Variants in RAP1B observed in about 807,000 individuals in gnomAD.
RAP1B encodes RAP1B, member of RAS oncogene family.
Under a neutral mutation model 27.5 loss-of-function variants are expected in RAP1B, and 1 was observed. That is an observed-to-expected ratio of 0.04 (90% CI 0.01 to 0.17). The LOEUF (loss-of-function observed/expected upper bound fraction) is 0.17. RAP1B is among the 10% of genes least tolerant of loss of function. The pLI is 1.00. For synonymous variants in RAP1B, 75 were observed against 73.1 expected, an observed-to-expected ratio of 1.03 and a Z score of -0.13; for missense variants, 84 against 214.8, an observed-to-expected ratio of 0.39 and a Z score of 3.81.
At chr12:68,642,788 T>A (rs1308484999) in intron 1 of RAP1B, 2 of 1,041,006 alleles carry the variant, frequency 1.9e-6, no homozygotes, top group Non-Finnish European at 3.0e-6. Flanking sequence ...CTTCTTAAAG[T>A]CATCCACCAA....
In RAP1B at chr12:68,656,609, TAAAC is replaced by T. The variant is rs143089639; in HGVS notation, c.468+163_468+166del. ...ATGTTAAATGTATCTATGTAGTAAA[TAAAC>T]AATACTATTTCAGTCTCTATTAAAT... On this transcript the variant is annotated intron_variant, in intron 6 of 7. Transcript: ENST00000250559. 11,432 of 668,020 alleles carry T rather than the reference TAAAC, an allele frequency of 0.017. 910 individuals carry two copies. The African/African-American group carries it at 0.18, about 11-fold the overall frequency. The allele number at this position is 668,020 out of a possible 1,614,324, so 41.4% of individuals were successfully genotyped here. A position where few individuals can be genotyped will look rare whatever the true frequency, so the allele number is the denominator to read the frequency against.
chr12:68,618,086 CTTT>C (rs36224976), intron 1 of RAP1B, among the ~76,000 whole-genome samples: 15 of 60,788 alleles, frequency 2.5e-4, no homozygotes, highest in African/African-American at 7.1e-4. Context: ...TTCTATAAAG[CTTT>C]TTTTTTTTTT....
At chr12:68,654,302 ATTGT>A (rs772182197) in intron 5 of RAP1B, 50 bp downstream of exon 5, 4 of 1,052,124 alleles carry the variant, frequency 3.8e-6, no homozygotes, top group Non-Finnish European at 3.7e-6. Context: ...CCTGATTATA[ATTGT>A]TTAAGTCTAA....
chr12:68,627,126 T>G, intron 1 of RAP1B: 2 of 1,585,304 alleles, frequency 1.3e-6, no homozygotes, highest in African/African-American at 1.3e-5. Flanking sequence ...TTGGCCAGTG[T>G]GAACCCTGGC....
At position 68,668,898 on chromosome 12, in the gene RAP1B, A is replaced by G. The variant is rs907634560; in HGVS notation, c.*9649A>G. On this transcript the variant is annotated 3_prime_UTR_variant, in exon 8 of 8. Coordinates refer to ENST00000250559, the MANE Select transcript of RAP1B (RefSeq NM_001010942.3). Reference sequence around the variant, plus strand: ...CCCTAAGATGTGCCACCATTGCTCTAAGCACTTTACATGTGTTGTTCAACC... The same window carrying G: ...CCCTAAGATGTGCCACCATTGCTCTGAGCACTTTACATGTGTTGTTCAACC... 42 of 152,206 alleles carry G rather than the reference A, an allele frequency of 2.8e-4. No homozygotes were observed. Among genetic ancestry groups the G allele is most frequent in the Admixed American group, 2.6e-3 (39 of 15,278 alleles). The allele number at this position is 152,206 out of a possible 1,614,324, so 9.4% of individuals were successfully genotyped here. A position where few individuals can be genotyped will look rare whatever the true frequency, so the allele number is the denominator to read the frequency against.
intron 1 of RAP1B, among the ~76,000 whole-genome samples, chr12:68,639,175 G>C (rs960938558): frequency 2.6e-5 from 4 of 152,046 alleles, no homozygotes; most frequent in African/African-American, 9.7e-5. Flanking sequence ...GACTTTACCC[G>C]TAAAGCATTC....
chr12:68,645,286 A>G (rs1322228633), intron 1 of RAP1B, among the ~76,000 whole-genome samples: 1 of 152,248 alleles, frequency 6.6e-6, no homozygotes, highest in Non-Finnish European at 1.5e-5. Flanking sequence ...GCCCAAGATT[A>G]TAGAAAACCA....
At chr12:68,637,136 C>T (rs1268998322) in intron 1 of RAP1B, among the ~76,000 whole-genome samples, 1 of 152,138 alleles carries the variant, frequency 6.6e-6, no homozygotes, top group Non-Finnish European at 1.5e-5. Flanking sequence ...AGTCTTTATT[C>T]AGCAAACATT....
intron 4 of RAP1B, among the ~76,000 whole-genome samples, chr12:68,653,407 T>G (rs1873957004): frequency 6.6e-6 from 1 of 151,940 alleles, no homozygotes; most frequent in Non-Finnish European, 1.5e-5. Context: ...AAAGAAAAAG[T>G]AGTGTGGGAA....
At chr12:68,624,214 T>A (rs988911977) in intron 1 of RAP1B, among the ~76,000 whole-genome samples, 2 of 152,060 alleles carry the variant, frequency 1.3e-5, no homozygotes, top group African/African-American at 4.8e-5. Context: ...GGGTGATGAG[T>A]CTTTAGGGTA....
chr12:68,611,650 A>G (rs1473289742), intron 1 of RAP1B, among the ~76,000 whole-genome samples: 4 of 152,130 alleles, frequency 2.6e-5, no homozygotes, highest in African/African-American at 9.7e-5. Flanking sequence ...TGCTTGCTCC[A>G]TTTGTTGCGG....
In RAP1B at chr12:68,664,166, T is replaced by C. The variant is rs940055721; in HGVS notation, c.*4917T>C. ...CTGAAAACAAAACAGCACACACATA[T>C]ATTACAGGATTTTTATGTAATAATA... On this transcript the variant is annotated 3_prime_UTR_variant, in exon 8 of 8. Transcript: ENST00000250559. 2.0e-5 allele frequency: 3 copies of C among 152,156 alleles called. No homozygotes were observed. The highest frequency in any genetic ancestry group is 2.9e-5 in the Non-Finnish European group (2 of 68,024). 9.4% of individuals were successfully genotyped at this position (152,156 alleles called of 1,614,324 possible).
At chr12:68,655,068 T>C (rs894638858) in intron 5 of RAP1B, among the ~76,000 whole-genome samples, 2 of 152,114 alleles carry the variant, frequency 1.3e-5, no homozygotes, top group East Asian at 3.9e-4. Flanking sequence ...CCCAGCACTT[T>C]GGGAGGCCAA....
intron 1 of RAP1B, among the ~76,000 whole-genome samples, chr12:68,639,030 A>G (rs1188440386): frequency 6.6e-6 from 1 of 152,218 alleles, no homozygotes; most frequent in African/African-American, 2.4e-5. Flanking sequence ...TATTATAACA[A>G]AACATTTTAT....
At position 68,610,906 on chromosome 12, in the gene RAP1B, C is replaced by T. The variant is rs1870510044; in HGVS notation, c.-164C>T. ...AACGCCTGACGTCAAGGCGACATCG[C>T]CAAACCTCGCCCAGATTCAGGCGTG... On this transcript the variant is annotated 5_prime_UTR_variant, in exon 1 of 8. Coordinates refer to ENST00000250559, the MANE Select transcript of RAP1B (RefSeq NM_001010942.3). 1 of 303,252 alleles carries T rather than the reference C, an allele frequency of 3.3e-6. No homozygotes were observed. The highest frequency in any genetic ancestry group is 4.7e-5 in the East Asian group (1 of 21,180). The allele number at this position is 303,252 out of a possible 1,614,324, so 18.8% of individuals were successfully genotyped here.
At chr12:68,658,291 A>G (rs906528461) in intron 7 of RAP1B, among the ~76,000 whole-genome samples, 1 of 152,286 alleles carries the variant, frequency 6.6e-6, no homozygotes, top group Middle Eastern at 3.4e-3. Context: ...CTAATATCCT[A>G]TAATTCCTGA....
chr12:68,631,831 T>G (rs1320115783), intron 1 of RAP1B, among the ~76,000 whole-genome samples: 1 of 152,222 alleles, frequency 6.6e-6, no homozygotes, highest in Non-Finnish European at 1.5e-5. Context: ...TGTAAGCTTT[T>G]TGAGAGCAGG....
intron 1 of RAP1B, among the ~76,000 whole-genome samples, chr12:68,636,132 G>A (rs573432735): frequency 2.6e-5 from 4 of 151,700 alleles, no homozygotes; most frequent in Non-Finnish European, 5.9e-5. Flanking sequence ...TGATCTGCCC[G>A]CCTTGGCCTC....
chr12:68,615,662 C>CTCTGACCATAGA (rs1870932928), intron 1 of RAP1B, among the ~76,000 whole-genome samples: 1 of 151,946 alleles, frequency 6.6e-6, no homozygotes, highest in African/African-American at 2.4e-5. Context: ...AAATCTGTCT[C>CTCTGACCATAGA]TCTGACCATA....
Sources: gnomAD v4.1 joint callset for allele counts (sites outside exome capture counted in the v4.1 genomes callset) on GRCh38, gnomAD v4.1.1 for gene constraint, MANE v1.5 for transcripts, NCBI Gene and HGNC (gene_info 2026-07-23, HGNC 2026-07-21) for gene names.